SGCD: variants seen among roughly 807,000 people sequenced by gnomAD.
SGCD encodes the protein sarcoglycan delta, also known as delta-sarcoglycan.
A neutral mutation model predicts 36.6 loss-of-function variants in SGCD; 18 were observed. The observed-to-expected ratio is 0.49, with a 90% CI of 0.34 to 0.73. The LOEUF (loss-of-function observed/expected upper bound fraction) is 0.73. Ranked by LOEUF, SGCD falls within the 30% of genes least tolerant of loss-of-function variation. The pLI is 0.01. For missense variants in SGCD, 387 were observed against 346.7 expected (o/e 1.12, Z -0.92); for synonymous variants, 133 against 130.6 (o/e 1.02, Z -0.12).
At chr5:156,494,649 T>C (rs895428738) in intron 3 of SGCD, among the ~76,000 whole-genome samples, 7 of 152,286 alleles carry the variant, frequency 4.6e-5, no homozygotes, top group East Asian at 3.9e-4. Flanking sequence ...ACGTATTCCA[T>C]TGGTGTCTAG....
At chr5:156,664,670 A>C (rs2113639001) in intron 7 of SGCD, among the ~76,000 whole-genome samples, 1 of 82,890 alleles carries the variant, frequency 1.2e-5, no homozygotes, top group Non-Finnish European at 2.4e-5. Flanking sequence ...TCAATCCACC[A>C]AGTCTTAAAT....
At chr5:156,086,357 G>GT (rs1761091195) in intron 1 of SGCD, among the ~76,000 whole-genome samples, 1 of 152,176 alleles carries the variant, frequency 6.6e-6, no homozygotes, top group Non-Finnish European at 1.5e-5. Flanking sequence ...CAAATAACAG[G>GT]TATGAGTGCA....
chr5:155,782,362 G>A, the SGCD span, among the ~76,000 whole-genome samples: 1 of 151,826 alleles, frequency 6.6e-6, no homozygotes, highest in Admixed American at 6.6e-5. Context: ...TGGCTTTCAT[G>A]AAAGATTCCA....
At chr5:156,231,094 A>G (rs1298465249) in intron 3 of SGCD, among the ~76,000 whole-genome samples, 1 of 152,188 alleles carries the variant, frequency 6.6e-6, no homozygotes, top group African/African-American at 2.4e-5. Flanking sequence ...CTTGATGAAT[A>G]TGTGACGCCA....
chr5:156,544,500 C>G (rs531648804), intron 4 of SGCD, among the ~76,000 whole-genome samples: 4 of 152,076 alleles, frequency 2.6e-5, no homozygotes, highest in Non-Finnish European at 4.4e-5. Context: ...GAAATAAATA[C>G]AGTGTTAATG....
At chr5:156,496,836 C>T (rs1756215445) in intron 3 of SGCD, among the ~76,000 whole-genome samples, 1 of 152,048 alleles carries the variant, frequency 6.6e-6, no homozygotes, top group African/African-American at 2.4e-5. Flanking sequence ...CATCTGTATC[C>T]CTGAGTGACT....
chr5:156,203,642 G>T (rs2127638000), intron 3 of SGCD, among the ~76,000 whole-genome samples: 1 of 152,202 alleles, frequency 6.6e-6, no homozygotes, highest in Admixed American at 6.5e-5. Context: ...TGTCTGATTT[G>T]TAAAGTCCCT....
chr5:156,117,413 AG>A (rs1380407266), intron 1 of SGCD, among the ~76,000 whole-genome samples: 2 of 152,060 alleles, frequency 1.3e-5, no homozygotes, highest in African/African-American at 4.8e-5. Context: ...CCAGCTCTCA[AG>A]GGTTTGTATG....
rs550144756 is a variant in SGCD at position 156,312,757 on chromosome 5, A to G, written c.-43-16777A>G. On this transcript the variant is annotated intron_variant, in intron 3 of 9. Coordinates refer to the SGCD transcript ENST00000517913. The stretch of plus-strand genomic sequence containing the variant: ...CGTAGAATTTTTATAAAGATTAAGT[A>G]ATACATGAAAAGCATTTAACATGGT... Among the ~76,000 whole-genome samples the G allele has an allele frequency of 8.5e-5, 13 of 152,250 alleles. 1 individual carries two copies. Among genetic ancestry groups the G allele is most frequent in the African/African-American group, 2.4e-4 (10 of 41,558 alleles).
chr5:156,225,981 T>A (rs1764845822), intron 3 of SGCD, among the ~76,000 whole-genome samples: 1 of 152,148 alleles, frequency 6.6e-6, no homozygotes, highest in South Asian at 2.1e-4. Context: ...ATATGGATAA[T>A]TTACTGGAAA....
At chr5:155,969,051 C>A (rs1757958001) in intron 1 of SGCD, among the ~76,000 whole-genome samples, 1 of 152,044 alleles carries the variant, frequency 6.6e-6, no homozygotes, top group Non-Finnish European at 1.5e-5. Flanking sequence ...TATGTATATA[C>A]CACAATTCAC....
intron 2 of SGCD, among the ~76,000 whole-genome samples, chr5:156,336,225 C>T (rs1481525854): frequency 6.6e-6 from 1 of 152,184 alleles, no homozygotes; most frequent in African/African-American, 2.4e-5. Flanking sequence ...CCAGTTTCCT[C>T]TGACTGAAAT....
chr5:156,210,352 G>A (rs115969411), intron 3 of SGCD, among the ~76,000 whole-genome samples: 156 of 152,222 alleles, frequency 1.0e-3, no homozygotes, highest in African/African-American at 3.5e-3. Flanking sequence ...AGAATAAGCC[G>A]CTGCTTTGAC....
chr5:156,320,817 G>C (rs571013017), intron 3 of SGCD, among the ~76,000 whole-genome samples: 1 of 152,206 alleles, frequency 6.6e-6, no homozygotes. Context: ...TCCTGGTCCA[G>C]ATTCATTCCA....
chr5:155,781,062 C>G, the SGCD span, among the ~76,000 whole-genome samples: 1 of 152,118 alleles, frequency 6.6e-6, no homozygotes, highest in East Asian at 1.9e-4. Context: ...TCAAGTGAGA[C>G]TTTCAATTTT....
At chr5:156,009,693 G>A (rs1322609362) in intron 1 of SGCD, among the ~76,000 whole-genome samples, 1 of 152,156 alleles carries the variant, frequency 6.6e-6, no homozygotes, top group East Asian at 1.9e-4. Flanking sequence ...TGGACTCTTA[G>A]CTTTTACATA....
intron 4 of SGCD, among the ~76,000 whole-genome samples, chr5:156,569,217 G>A (rs1485430182): frequency 6.6e-6 from 1 of 152,144 alleles, no homozygotes; most frequent in Non-Finnish European, 1.5e-5. Context: ...ACACTTGTAT[G>A]CACTGGGGAT....
intron 1 of SGCD, among the ~76,000 whole-genome samples, chr5:155,979,291 G>T (rs1018066976): frequency 6.6e-6 from 1 of 152,174 alleles, no homozygotes; most frequent in African/African-American, 2.4e-5. Context: ...ACTGAACTCT[G>T]TATCAGAGAT....
intron 3 of SGCD, among the ~76,000 whole-genome samples, chr5:156,163,976 T>G (rs1382906913): frequency 2.1e-5 from 3 of 142,262 alleles, no homozygotes; most frequent in African/African-American, 8.2e-5. Flanking sequence ...TGAGCCGAGA[T>G]CATGCCACTG....
Sources: allele counts gnomAD v4.1 joint callset (sites outside exome capture counted in the v4.1 genomes callset), GRCh38; gene constraint gnomAD v4.1.1; transcripts MANE v1.5; gene names NCBI Gene and HGNC (gene_info 2026-07-23, HGNC 2026-07-21).